The following ADAM10 variants were observed in gnomAD, a reference collection of about 807,000 sequenced individuals.
ADAM10 encodes ADAM metallopeptidase domain 10.
In ADAM10, 17 loss-of-function variants were observed where a neutral mutation model predicts 90.1. The ratio of observed to expected loss-of-function variants is 0.19; its 90% CI spans 0.13 to 0.28. The LOEUF (loss-of-function observed/expected upper bound fraction) is 0.28, where lower values mean the gene tolerates loss of function less well. Ranked by LOEUF, ADAM10 falls within the 10% of genes least tolerant of loss-of-function variation. ADAM10 has a pLI of 1.00. For missense variants in ADAM10, 610 were observed against 914.3 expected, an observed-to-expected ratio of 0.67 and a Z score of 4.29; for synonymous variants, 310 against 298.6, an observed-to-expected ratio of 1.04 and a Z score of -0.40.
intron 5 of ADAM10, among the ~76,000 whole-genome samples, chr15:58,651,835 T>TA (rs1276142930): frequency 5.9e-5 from 9 of 152,186 alleles, no homozygotes; most frequent in Admixed American, 6.5e-5. Context: ...CTATTCTCCA[T>TA]AGCAATTGTA....
intron 2 of ADAM10, chr15:58,686,478 T>C: frequency 7.1e-7 from 1 of 1,401,414 alleles, no homozygotes; most frequent in Non-Finnish European, 9.9e-7. Flanking sequence ...GAGGCTGGCG[T>C]GGAGAGGATC....
chr15:58,726,229 T>C (rs575247977), intron 1 of ADAM10, among the ~76,000 whole-genome samples: 20 of 152,224 alleles, frequency 1.3e-4, no homozygotes, highest in Middle Eastern at 3.4e-3. Flanking sequence ...GTTATAGATA[T>C]TGTACACTGA....
chr15:58,700,650 T>C (rs758928016), intron 2 of ADAM10, among the ~76,000 whole-genome samples: 14 of 151,856 alleles, frequency 9.2e-5, no homozygotes, highest in Non-Finnish European at 1.9e-4. Context: ...AAATAAACAA[T>C]ATAATGAAGC....
intron 2 of ADAM10, among the ~76,000 whole-genome samples, chr15:58,695,420 G>A (rs898054643): frequency 6.6e-6 from 1 of 152,138 alleles, no homozygotes; most frequent in Non-Finnish European, 1.5e-5. Context: ...ATATGTGACT[G>A]TAAATACATA....
Position 58,749,565 on chromosome 15 carries a change from C to T in ADAM10, c.-31G>A, listed in dbSNP as rs200468808. 47 of 1,549,744 alleles carry T rather than the reference C, an allele frequency of 3.0e-5. No individual in the cohort carries two copies. Among genetic ancestry groups the T allele is most frequent in the Non-Finnish European group, 4.0e-5 (46 of 1,146,112 alleles). On this transcript the variant is annotated 5_prime_UTR_variant, in exon 1 of 16. Coordinates refer to ENST00000260408, the MANE Select transcript of ADAM10 (RefSeq NM_001110.4). ...GCTGCCGCTGCCGCCGCCGCCGCCT[C>T]CTCACGGGTTAACAGCAGCACATCG...
chr15:58,600,791 T>C (rs1385982226), intron 14 of ADAM10, among the ~76,000 whole-genome samples: 1 of 152,144 alleles, frequency 6.6e-6, no homozygotes, highest in Admixed American at 6.5e-5. Flanking sequence ...TACAAAATAT[T>C]TACAGCTTCA....
intron 1 of ADAM10, among the ~76,000 whole-genome samples, chr15:58,735,287 G>C (rs1899393077): frequency 6.6e-6 from 1 of 152,126 alleles, no homozygotes; most frequent in Non-Finnish European, 1.5e-5. Context: ...GACTCTCCCA[G>C]TCCAGGTTCT....
intron 2 of ADAM10, chr15:58,686,475 G>C (rs1386419218): frequency 2.1e-6 from 3 of 1,395,552 alleles, no homozygotes; most frequent in Admixed American, 1.9e-5. Flanking sequence ...TTGGAGGCTG[G>C]CGTGGAGAGG....
intron 9 of ADAM10, among the ~76,000 whole-genome samples, chr15:58,630,481 G>A (rs1439385757): frequency 6.6e-6 from 1 of 152,192 alleles, no homozygotes; most frequent in African/African-American, 2.4e-5. Flanking sequence ...GAAAGTAGTA[G>A]AAGTGAGTTA....
chr15:58,710,186 G>A (rs1898431442), intron 2 of ADAM10, among the ~76,000 whole-genome samples: 1 of 152,134 alleles, frequency 6.6e-6, no homozygotes. Flanking sequence ...GGCTGAGGCT[G>A]GAGAATCACT....
chr15:58,672,073 A>AGAT (rs1897205734), intron 4 of ADAM10, among the ~76,000 whole-genome samples: 1 of 118,658 alleles, frequency 8.4e-6, no homozygotes, highest in Non-Finnish European at 1.7e-5. Context: ...AACAAAATAA[A>AGAT]AGATAGTTCT....
At chr15:58,625,377 T>C (rs1895907102) in intron 10 of ADAM10, among the ~76,000 whole-genome samples, 3 of 152,152 alleles carry the variant, frequency 2.0e-5, no homozygotes, top group Admixed American at 6.5e-5. Flanking sequence ...CAAAGATGAT[T>C]TATAAATGGC....
intron 1 of ADAM10, among the ~76,000 whole-genome samples, chr15:58,738,418 G>T (rs1257442804): frequency 1.3e-5 from 2 of 152,184 alleles, no homozygotes; most frequent in Non-Finnish European, 2.9e-5. Context: ...TCTTTGAAAA[G>T]CTACTTCTAC....
chr15:58,714,374 A>C (rs568520223), intron 2 of ADAM10, among the ~76,000 whole-genome samples: 1 of 152,046 alleles, frequency 6.6e-6, no homozygotes, highest in East Asian at 1.9e-4. Flanking sequence ...TGTATAAGCA[A>C]AACCCCTTCC....
intron 1 of ADAM10, among the ~76,000 whole-genome samples, chr15:58,735,060 A>C (rs1899384623): frequency 6.6e-6 from 1 of 152,208 alleles, no homozygotes; most frequent in Non-Finnish European, 1.5e-5. Flanking sequence ...AGAGCTCAGA[A>C]AGTATAGATA....
chr15:58,660,992 C>T (rs745494293), intron 5 of ADAM10, among the ~76,000 whole-genome samples: 1 of 152,226 alleles, frequency 6.6e-6, no homozygotes, highest in Non-Finnish European at 1.5e-5. Flanking sequence ...GTTTGCTGAC[C>T]CCGGCTCTAC....
At chr15:58,620,637 C>T (rs1179478491) in intron 11 of ADAM10, among the ~76,000 whole-genome samples, 2 of 149,336 alleles carry the variant, frequency 1.3e-5, no homozygotes, top group Non-Finnish European at 3.0e-5. Flanking sequence ...TACATTTTCA[C>T]AATAAGTAAC....
Position 58,599,318 on chromosome 15 carries a change from T to TA in ADAM10, c.2152+279dup, listed in dbSNP as rs376724177. On this transcript the variant is annotated intron_variant, in intron 15 of 15. Coordinates refer to ENST00000260408, the MANE Select transcript of ADAM10 (RefSeq NM_001110.4). Reference sequence around the variant, plus strand: ...GCAAGGGAATATGTTAGAATATATTTAAAAAAAAAAAAACAAGAAAACAAA... The same window carrying TA: ...GCAAGGGAATATGTTAGAATATATTTAAAAAAAAAAAAAACAAGAAAACAAA... Among the ~76,000 whole-genome samples, 9,654 of 141,624 alleles carry TA rather than the reference T, an allele frequency of 0.068. 355 individuals are homozygous for TA. The highest frequency in any genetic ancestry group is 0.1 in the African/African-American group (4,058 of 39,156). 92.9% of individuals were successfully genotyped at this position (141,624 alleles called of 152,430 possible). A position where few individuals can be genotyped will look rare whatever the true frequency, so the allele number is the denominator to read the frequency against.
In ADAM10 at chr15:58,603,323, T is replaced by C. The variant is rs147854928; in HGVS notation, c.2026-3599A>G. 9.4e-3 allele frequency among the ~76,000 whole-genome samples: 1,436 copies of C among 152,296 alleles called. 20 individuals carry two copies. Among genetic ancestry groups the C allele is most frequent in the African/African-American group, 0.033 (1,359 of 41,544 alleles). ...AGCAGTACACGACCATTTTGAGTAA[T>C]GCAGAAAGTTTAGCATCCCTGGCCC... On this transcript the variant is annotated intron_variant, in intron 14 of 15. Coordinates refer to ENST00000260408, the MANE Select transcript of ADAM10 (RefSeq NM_001110.4).
Sources: allele counts gnomAD v4.1 joint callset (sites outside exome capture counted in the v4.1 genomes callset), GRCh38; gene constraint gnomAD v4.1.1; transcripts MANE v1.5; gene names NCBI Gene and HGNC (gene_info 2026-07-23, HGNC 2026-07-21).